Variants in PCDHA1 observed in about 807,000 individuals in gnomAD.
PCDHA1 encodes the protein protocadherin alpha-1.
Under a neutral mutation model 61.3 loss-of-function variants are expected in PCDHA1, and 42 were observed. The ratio of observed to expected loss-of-function variants is 0.69; its 90% CI spans 0.54 to 0.89. The LOEUF (loss-of-function observed/expected upper bound fraction) is 0.89. PCDHA1 is among the 40% of genes least tolerant of loss of function. PCDHA1 has a pLI of 0.00. For synonymous variants in PCDHA1, 610 were observed against 553.8 expected (o/e 1.10, Z -1.43); for missense variants, 1,256 against 1,235.3 (o/e 1.02, Z -0.25).
At chr5:140,998,274 T>C (rs2097804171) in intron 3 of PCDHA1, among the ~76,000 whole-genome samples, 1 of 152,162 alleles carries the variant, frequency 6.6e-6, no homozygotes, top group African/African-American at 2.4e-5. Flanking sequence ...CTGACACCCA[T>C]AGGATTAAAT....
At chr5:140,969,865 C>T (rs982289120) in intron 1 of PCDHA1, among the ~76,000 whole-genome samples, 1 of 152,204 alleles carries the variant, frequency 6.6e-6, no homozygotes. Flanking sequence ...GGTACTTGCA[C>T]TGAACCTATG....
chr5:140,854,300 G>A lies in PCDHA1; in HGVS notation c.2394+65616G>A, dbSNP rs193127815. The A allele has an allele frequency of 1.0e-3, 435 of 414,882 alleles. 8 individuals are homozygous for A. Among genetic ancestry groups the A allele is most frequent in the African/African-American group, 1.4e-3 (63 of 46,296 alleles). The allele number at this position is 414,882 out of a possible 1,614,324, so 25.7% of individuals were successfully genotyped here. The stretch of plus-strand genomic sequence containing the variant: ...GAGTTTAGTTTTTATTATTTTGTGC[G>A]TGGAGATGATTGATCAATGGCAAAC... On this transcript the variant is annotated intron_variant, in intron 1 of 3. Coordinates refer to ENST00000504120, the MANE Select transcript of PCDHA1 (RefSeq NM_018900.4).
intron 1 of PCDHA1, chr5:140,870,593 G>A (rs991131905): frequency 6.2e-7 from 1 of 1,613,572 alleles, no homozygotes; most frequent in Non-Finnish European, 8.5e-7. Flanking sequence ...GTGGAGCGGC[G>A]GTTGGGCGAC....
At chr5:140,861,996 G>T (rs988991562) in intron 1 of PCDHA1, 4 of 155,486 alleles carry the variant, frequency 2.6e-5, no homozygotes, top group African/African-American at 9.7e-5. Context: ...AAGGTACACT[G>T]GTTATTAGAC....
chr5:140,928,552 G>A lies in PCDHA1; in HGVS notation c.2395-50397G>A, dbSNP rs145928329. On this transcript the variant is annotated intron_variant, in intron 1 of 3. Coordinates refer to ENST00000504120, the MANE Select transcript of PCDHA1 (RefSeq NM_018900.4). ...GGTAGATAGGAATGACAATTATCCGGTTATCTTGTTTCCCTTGCCCAGAAA... is the reference window on the plus strand; with the variant it reads ...GGTAGATAGGAATGACAATTATCCGATTATCTTGTTTCCCTTGCCCAGAAA... The A allele has an allele frequency of 6.7e-4, 1,075 of 1,614,218 alleles. 1 individual carries two copies. Among genetic ancestry groups the A allele is most frequent in the Non-Finnish European group, 8.6e-4 (1,013 of 1,180,042 alleles).
At chr5:140,898,906 G>A (rs199581699) in intron 1 of PCDHA1, among the ~76,000 whole-genome samples, 45,464 of 151,416 alleles carry the variant, frequency 0.3, 7,269 homozygotes, top group East Asian at 0.52. Context: ...GGTCCTTCAC[G>A]TCCCTTGTAA....
chr5:140,916,227 C>T (rs1554197349), intron 1 of PCDHA1, among the ~76,000 whole-genome samples: 2 of 152,208 alleles, frequency 1.3e-5, no homozygotes, highest in African/African-American at 4.8e-5. Context: ...AATATGCTTT[C>T]CAGGAGCCAA....
chr5:140,985,739 C>CTTT (rs11372071), intron 3 of PCDHA1, among the ~76,000 whole-genome samples: 39 of 117,922 alleles, frequency 3.3e-4, no homozygotes, highest in Non-Finnish European at 4.1e-4. Context: ...TGATGAATTC[C>CTTT]TTTTTTTTTT....
At position 140,927,553 on chromosome 5, in the gene PCDHA1, A is replaced by G. The variant is rs782577411; in HGVS notation, c.2395-51396A>G. 1.3e-5 allele frequency: 21 copies of G among 1,614,030 alleles called. No homozygotes were observed. The highest frequency in any genetic ancestry group is 9.3e-5 in the African/African-American group (7 of 74,932). ...CCGCTCAGGAGACGCACAAGTCACC[A>G]TCATTGTGGTGGACACAAATGACAA... On this transcript the variant is annotated intron_variant, in intron 1 of 3. Coordinates refer to ENST00000504120, the MANE Select transcript of PCDHA1 (RefSeq NM_018900.4).
chr5:140,795,239 G>C, intron 1 of PCDHA1: 8 of 1,614,278 alleles, frequency 5.0e-6, no homozygotes, highest in South Asian at 3.3e-5. Context: ...CGGATCGACC[G>C]GGAGGAGCTG....
chr5:140,838,075 ATAGTGTGT>A (rs2150283132), intron 1 of PCDHA1, among the ~76,000 whole-genome samples: 16,155 of 126,956 alleles, frequency 0.13, 1,025 homozygotes, highest in Middle Eastern at 0.15. Context: ...TTATATATAT[ATAGTGTGT>A]GTGTGTGTGT....
chr5:141,010,525 C>A lies in PCDHA1; in HGVS notation c.*588C>A. On this transcript the variant is annotated 3_prime_UTR_variant, in exon 4 of 4. Coordinates refer to ENST00000504120, the MANE Select transcript of PCDHA1 (RefSeq NM_018900.4). ...CTAAATCTTACAACTCAAGAGGTGG[C>A]AGCCACCCTCTAGGAGACAAAACTA... 1 of 436,454 alleles carries A rather than the reference C, an allele frequency of 2.3e-6. No homozygotes were observed. The highest frequency in any genetic ancestry group is 3.9e-6 in the Non-Finnish European group (1 of 256,874). 27.0% of individuals were successfully genotyped at this position (436,454 alleles called of 1,614,324 possible).
In PCDHA1 at chr5:140,996,798, A is replaced by G. The variant is rs528740592; in HGVS notation, c.2543-12829A>G. Among the ~76,000 whole-genome samples, 4 of 152,268 alleles carry G rather than the reference A, an allele frequency of 2.6e-5. No individual in the cohort carries two copies. In the East Asian group the frequency reaches 5.8e-4, roughly 22 times the overall value. ...AGTAGTGCCTCACTCCCTACATCCA[A>G]TCATGCTTTCCAAAAGTAACCACTA... On this transcript the variant is annotated intron_variant, in intron 3 of 3. Coordinates refer to ENST00000504120, the MANE Select transcript of PCDHA1 (RefSeq NM_018900.4).
intron 1 of PCDHA1, among the ~76,000 whole-genome samples, chr5:140,844,046 T>C (rs1373355795): frequency 1.1e-4 from 17 of 149,680 alleles, no homozygotes; most frequent in African/African-American, 3.9e-4. Flanking sequence ...GTGAAAGTAT[T>C]CCCCCAAAGC....
Position 140,823,401 on chromosome 5 carries a change from G to A in PCDHA1, c.2394+34717G>A, listed in dbSNP as rs2150125561. 1.6e-5 allele frequency: 25 copies of A among 1,612,904 alleles called. 1 individual carries two copies. The South Asian group carries it at 2.2e-4, about 14-fold the overall frequency. On this transcript the variant is annotated intron_variant, in intron 1 of 3. Coordinates refer to ENST00000504120, the MANE Select transcript of PCDHA1 (RefSeq NM_018900.4). Reference sequence around the variant, plus strand: ...TGAGCGCGCGCGACGCGGGCGTGCCGCCTCTGGGCAGCAACGTGACGCTGC... The same window carrying A: ...TGAGCGCGCGCGACGCGGGCGTGCCACCTCTGGGCAGCAACGTGACGCTGC...
At chr5:140,956,985 A>G (rs1554222760) in intron 1 of PCDHA1, among the ~76,000 whole-genome samples, 2 of 152,224 alleles carry the variant, frequency 1.3e-5, no homozygotes, top group African/African-American at 2.4e-5. Flanking sequence ...AGTAAAATAA[A>G]TTCAAGGAAG....
chr5:140,872,623 T>C (rs960064096), intron 1 of PCDHA1, among the ~76,000 whole-genome samples: 3 of 152,152 alleles, frequency 2.0e-5, no homozygotes, highest in African/African-American at 4.8e-5. Flanking sequence ...TTGCCTGTTC[T>C]TGATTTTGTT....
At chr5:140,830,163 C>A in intron 1 of PCDHA1, 1 of 1,613,430 alleles carries the variant, frequency 6.2e-7, no homozygotes, top group Non-Finnish European at 8.5e-7. Flanking sequence ...GGCCCAGAGG[C>A]GGCGCTGGTG....
intron 3 of PCDHA1, among the ~76,000 whole-genome samples, chr5:140,999,585 G>C (rs1240906342): frequency 6.6e-6 from 1 of 152,152 alleles, no homozygotes; most frequent in Non-Finnish European, 1.5e-5. Flanking sequence ...AAGGGAAATT[G>C]CCTTCCCTAC....
Sources: gnomAD v4.1 joint callset for allele counts (sites outside exome capture counted in the v4.1 genomes callset) on GRCh38, gnomAD v4.1.1 for gene constraint, MANE v1.5 for transcripts, NCBI Gene and HGNC (gene_info 2026-07-23, HGNC 2026-07-21) for gene names.